TMEM108: variants seen among roughly 807,000 people sequenced by gnomAD.
TMEM108 encodes cancer/testis antigen 124.
TMEM108 carries 12 observed loss-of-function variants against 35.1 expected under a neutral mutation model. The ratio of observed to expected loss-of-function variants is 0.34; its 90% CI spans 0.22 to 0.55. TMEM108 has a LOEUF of 0.55. Ranked by LOEUF, TMEM108 falls within the 20% of genes least tolerant of loss-of-function variation. The probability of loss-of-function intolerance (pLI) is 0.89; values close to 1 mark genes in which losing one functional copy is unlikely to be tolerated. For missense variants in TMEM108, 680 were observed against 753.3 expected, an observed-to-expected ratio of 0.90 and a Z score of 1.14; for synonymous variants, 287 against 308.6, an observed-to-expected ratio of 0.93 and a Z score of 0.73.
intron 3 of TMEM108, among the ~76,000 whole-genome samples, chr3:133,375,131 T>C (rs1037232957): frequency 6.6e-6 from 1 of 152,254 alleles, no homozygotes; most frequent in Non-Finnish European, 1.5e-5. Flanking sequence ...TTGAGCAGTG[T>C]ATAGTACATA....
Position 133,225,467 on chromosome 3 carries a change from C to T in TMEM108, c.-46-3799C>T, listed in dbSNP as rs143266504. Reference sequence around the variant, plus strand: ...AAAGTCATTGAGCTGTTGTACCCCCCTCCCCCAAAGAAGAACACTTCCCAG... The same window carrying T: ...AAAGTCATTGAGCTGTTGTACCCCCTTCCCCCAAAGAAGAACACTTCCCAG... On this transcript the variant is annotated intron_variant, in intron 2 of 5. Coordinates refer to ENST00000321871, the MANE Select transcript of TMEM108 (RefSeq NM_023943.4). Among the ~76,000 whole-genome samples the T allele has an allele frequency of 7.7e-3, 1,179 of 152,238 alleles. 14 individuals are homozygous for T. Among genetic ancestry groups the T allele is most frequent in the African/African-American group, 0.027 (1,122 of 41,528 alleles).
intron 1 of TMEM108, among the ~76,000 whole-genome samples, chr3:133,039,464 G>A (rs1267702611): frequency 1.3e-5 from 2 of 152,166 alleles, no homozygotes; most frequent in African/African-American, 4.8e-5. Context: ...GTTTGTATGG[G>A]AGTCCGGGGG....
intron 3 of TMEM108, among the ~76,000 whole-genome samples, chr3:133,250,696 T>C (rs1946455878): frequency 6.6e-6 from 1 of 152,234 alleles, no homozygotes; most frequent in Admixed American, 6.5e-5. Context: ...TTGCAAATCA[T>C]GAAATGTTAA....
chr3:133,186,407 T>G (rs1401729726), intron 2 of TMEM108, among the ~76,000 whole-genome samples: 1 of 152,202 alleles, frequency 6.6e-6, no homozygotes. Flanking sequence ...CATAATTTAT[T>G]CCTTACTGTC....
At chr3:133,090,638 G>A (rs1345358720) in intron 2 of TMEM108, among the ~76,000 whole-genome samples, 2 of 152,142 alleles carry the variant, frequency 1.3e-5, no homozygotes, top group African/African-American at 2.4e-5. Context: ...TTTCAAAGGC[G>A]CATTTTTAAG....
chr3:133,065,799 A>G (rs1303212639), intron 2 of TMEM108, among the ~76,000 whole-genome samples: 6 of 152,198 alleles, frequency 3.9e-5, no homozygotes, highest in Non-Finnish European at 7.4e-5. Context: ...TAGTTCAGCC[A>G]TTTTCAAGGC....
At chr3:133,323,173 G>A (rs967680230) in intron 3 of TMEM108, among the ~76,000 whole-genome samples, 1 of 152,066 alleles carries the variant, frequency 6.6e-6, no homozygotes, top group Non-Finnish European at 1.5e-5. Flanking sequence ...AATCAGACAA[G>A]AGAAAGAAAT....
chr3:133,301,581 C>T (rs1248824076), intron 3 of TMEM108, among the ~76,000 whole-genome samples: 2 of 152,102 alleles, frequency 1.3e-5, no homozygotes, highest in Non-Finnish European at 2.9e-5. Context: ...CCGGCTAGCT[C>T]ACTTGTTAAT....
At chr3:133,122,822 C>T (rs1944369739) in intron 2 of TMEM108, among the ~76,000 whole-genome samples, 1 of 142,392 alleles carries the variant, frequency 7.0e-6, no homozygotes, top group Non-Finnish European at 1.5e-5. Context: ...GAGATCACGC[C>T]ACTGTACTCC....
chr3:133,060,268 G>A (rs1943520662), intron 2 of TMEM108, among the ~76,000 whole-genome samples: 1 of 152,180 alleles, frequency 6.6e-6, no homozygotes, highest in Non-Finnish European at 1.5e-5. Context: ...TGAGAAGGCT[G>A]TTATGAGGAC....
At chr3:133,103,257 A>G (rs910825388) in intron 2 of TMEM108, among the ~76,000 whole-genome samples, 2 of 152,224 alleles carry the variant, frequency 1.3e-5, no homozygotes, top group South Asian at 4.1e-4. Flanking sequence ...GCAGCCATAA[A>G]AAAGAATGAG....
intron 2 of TMEM108, among the ~76,000 whole-genome samples, chr3:133,136,495 G>A (rs3911113): frequency 0.026 from 3,964 of 152,302 alleles, 182 homozygotes; most frequent in African/African-American, 0.091. Flanking sequence ...CTTTCTTTTT[G>A]ATGTGTGAGT....
chr3:133,309,543 G>A (rs915159996), intron 3 of TMEM108, among the ~76,000 whole-genome samples: 2 of 152,078 alleles, frequency 1.3e-5, no homozygotes, highest in Non-Finnish European at 2.9e-5. Context: ...ATGTGTCCCA[G>A]AGATTCTGGT....
chr3:133,176,590 G>A (rs1351767841), intron 2 of TMEM108, among the ~76,000 whole-genome samples: 2 of 151,978 alleles, frequency 1.3e-5, no homozygotes, highest in African/African-American at 2.4e-5. Flanking sequence ...CGAAATGAAG[G>A]CAGAAATAAA....
chr3:133,147,635 G>A (rs1020496618), intron 2 of TMEM108, among the ~76,000 whole-genome samples: 9 of 152,110 alleles, frequency 5.9e-5, no homozygotes, highest in African/African-American at 2.2e-4. Context: ...ACCCTCTTGA[G>A]CCTCAGGTTT....
At chr3:133,074,055 T>C (rs1004990178) in intron 2 of TMEM108, among the ~76,000 whole-genome samples, 1 of 152,216 alleles carries the variant, frequency 6.6e-6, no homozygotes, top group African/African-American at 2.4e-5. Flanking sequence ...CCAAGTAATA[T>C]AATTAAAAAG....
intron 2 of TMEM108, among the ~76,000 whole-genome samples, chr3:133,201,912 A>G (rs1456379657): frequency 1.3e-5 from 2 of 152,100 alleles, no homozygotes; most frequent in Admixed American, 6.6e-5. Flanking sequence ...TGACACTCCC[A>G]CCAATGGTTT....
chr3:133,063,439 A>G (rs776163288), intron 2 of TMEM108, among the ~76,000 whole-genome samples: 10 of 152,156 alleles, frequency 6.6e-5, no homozygotes, highest in Non-Finnish European at 1.5e-4. Flanking sequence ...AAGTTCAGGG[A>G]ATGTGGGGAG....
intron 2 of TMEM108, among the ~76,000 whole-genome samples, chr3:133,080,917 C>T (rs1483098962): frequency 1.3e-5 from 2 of 152,188 alleles, no homozygotes; most frequent in Non-Finnish European, 2.9e-5. Flanking sequence ...TCCTCTTCCC[C>T]TTTAGCTCCT....
Sources: gnomAD v4.1 joint callset for allele counts (sites outside exome capture counted in the v4.1 genomes callset) on GRCh38, gnomAD v4.1.1 for gene constraint, MANE v1.5 for transcripts, NCBI Gene and HGNC (gene_info 2026-07-23, HGNC 2026-07-21) for gene names.